The following NPSR1 variants were observed in gnomAD, a reference collection of about 807,000 sequenced individuals.
NPSR1 encodes neuropeptide S receptor.
In NPSR1, 48 loss-of-function variants were observed where a neutral mutation model predicts 46.9. The ratio of observed to expected loss-of-function variants is 1.02; its 90% confidence interval spans 0.81 to 1.30. NPSR1 has a LOEUF of 1.30. Among genes scored for constraint, NPSR1 ranks in the 50% most tolerant of loss-of-function variants. NPSR1 has a pLI of 0.00. For missense variants in NPSR1, 450 were observed against 449.5 expected, an observed-to-expected ratio of 1.00 and a Z score of -0.01; for synonymous variants, 176 against 168.1, an observed-to-expected ratio of 1.05 and a Z score of -0.36.
At chr7:34,759,877 C>A (rs1253420408) in intron 2 of NPSR1, among the ~76,000 whole-genome samples, 1 of 152,184 alleles carries the variant, frequency 6.6e-6, no homozygotes, top group Non-Finnish European at 1.5e-5. Context: ...TGCACAGGAC[C>A]ATCTATCCTA....
In NPSR1 at chr7:34,737,110, C is replaced by G. The variant is rs979239902; in HGVS notation, c.281-41352C>G. On this transcript the variant is annotated intron_variant, in intron 2 of 8. Coordinates refer to ENST00000360581, the MANE Select transcript of NPSR1 (RefSeq NM_207172.2). ...CAACAGAAGGGAATGTCCTCACTCCCTGGCCTCTCTATACCTTTGCTGCCA... is the reference window on the plus strand; with the variant it reads ...CAACAGAAGGGAATGTCCTCACTCCGTGGCCTCTCTATACCTTTGCTGCCA... Among the ~76,000 whole-genome samples the G allele has an allele frequency of 2.0e-5, 3 of 152,216 alleles. No homozygotes were observed. In the East Asian group the frequency reaches 5.8e-4, roughly 29 times the overall value.
chr7:34,664,620 A>AAG (rs60907874), intron 1 of NPSR1, among the ~76,000 whole-genome samples: 16,957 of 149,310 alleles, frequency 0.11, 1,036 homozygotes, highest in African/African-American at 0.16. Flanking sequence ...TTTTTTTAAA[A>AAG]AAAAAAAATG....
intron 2 of NPSR1, among the ~76,000 whole-genome samples, chr7:34,739,314 A>G (rs1784826046): frequency 6.6e-6 from 1 of 152,238 alleles, no homozygotes; most frequent in Non-Finnish European, 1.5e-5. Context: ...AGTAAATACA[A>G]AATTGTTTTC....
At chr7:34,712,483 A>C (rs1195789251) in intron 2 of NPSR1, among the ~76,000 whole-genome samples, 2 of 152,212 alleles carry the variant, frequency 1.3e-5, no homozygotes, top group East Asian at 3.9e-4. Context: ...GCAGTTAGTT[A>C]CAATGTTCCA....
chr7:34,754,964 AT>A (rs1785746697), intron 2 of NPSR1, among the ~76,000 whole-genome samples: 1 of 133,408 alleles, frequency 7.5e-6, no homozygotes, highest in South Asian at 2.3e-4. Flanking sequence ...TCCATATTTC[AT>A]TTTTTATGGC....
At chr7:34,787,006 A>C (rs1787495043) in intron 3 of NPSR1, among the ~76,000 whole-genome samples, 1 of 152,090 alleles carries the variant, frequency 6.6e-6, no homozygotes, top group Non-Finnish European at 1.5e-5. Flanking sequence ...TTAGCTGTTA[A>C]AAAGAATATC....
At chr7:34,687,809 T>A (rs1395853743) in intron 2 of NPSR1, among the ~76,000 whole-genome samples, 1 of 152,244 alleles carries the variant, frequency 6.6e-6, no homozygotes, top group Non-Finnish European at 1.5e-5. Flanking sequence ...TTTAAACATT[T>A]GTTAGAAGGT....
intron 2 of NPSR1, among the ~76,000 whole-genome samples, chr7:34,686,668 C>T (rs1792942812): frequency 6.6e-6 from 1 of 152,070 alleles, no homozygotes. Context: ...ACCAGTATCT[C>T]ATCTTTCTGA....
rs561915726 is a variant in NPSR1 at position 34,821,807 on chromosome 7, C to T, written c.479-5594C>T. 5.9e-5 allele frequency among the ~76,000 whole-genome samples: 9 copies of T among 152,248 alleles called. No homozygotes were observed. In the South Asian group the frequency reaches 1.7e-3, roughly 28 times the overall value. On this transcript the variant is annotated intron_variant, in intron 4 of 8. Coordinates refer to ENST00000360581, the MANE Select transcript of NPSR1 (RefSeq NM_207172.2). ...TTCTAAAGATGTAAAACAACTTATT[C>T]CCTCACTACAAAATTAAGAGAGGCT...
chr7:34,683,544 T>A (rs570139605), intron 1 of NPSR1, among the ~76,000 whole-genome samples: 1 of 152,184 alleles, frequency 6.6e-6, no homozygotes, highest in Non-Finnish European at 1.5e-5. Context: ...ATCTGTTTCA[T>A]GCTGCTATGA....
At chr7:34,871,965 C>T (rs1791464933) in intron 8 of NPSR1, among the ~76,000 whole-genome samples, 1 of 151,846 alleles carries the variant, frequency 6.6e-6, no homozygotes, top group African/African-American at 2.4e-5. Flanking sequence ...CATAGCTCCA[C>T]TAGGCAGTGT....
chr7:34,820,393 T>C (rs1203117743), intron 4 of NPSR1, among the ~76,000 whole-genome samples: 2 of 152,194 alleles, frequency 1.3e-5, no homozygotes, highest in East Asian at 3.8e-4. Context: ...GGTTGAGACC[T>C]GTACCAAGTT....
At chr7:34,771,444 C>T (rs34550664) in intron 2 of NPSR1, among the ~76,000 whole-genome samples, 1,736 of 152,128 alleles carry the variant, frequency 0.011, 28 homozygotes, top group African/African-American at 0.039. Flanking sequence ...TACCACTTCC[C>T]CACCAAAAAA....
rs180805464 is a variant in NPSR1, at chr7:34,873,958, A to G, written c.1026-4118A>G. Among the ~76,000 whole-genome samples, 192 of 151,818 alleles carry G rather than the reference A, an allele frequency of 1.3e-3. 2 individuals carry two copies. The highest frequency in any genetic ancestry group is 1.9e-3 in the Non-Finnish European group (126 of 68,024). On this transcript the variant is annotated intron_variant, in intron 8 of 8. Transcript: ENST00000359791. ...ATTGTCAGCCCCTAACTGATCATTGATAACTAAAGTTATAACAACTCATAC... is the reference window on the plus strand; with the variant it reads ...ATTGTCAGCCCCTAACTGATCATTGGTAACTAAAGTTATAACAACTCATAC...
At chr7:34,674,163 T>G (rs1401343219) in intron 1 of NPSR1, among the ~76,000 whole-genome samples, 1 of 152,164 alleles carries the variant, frequency 6.6e-6, no homozygotes, top group African/African-American at 2.4e-5. Context: ...TGGCATTGCT[T>G]CTGTAGCAGC....
chr7:34,685,316 C>T (rs1191194032), intron 2 of NPSR1, among the ~76,000 whole-genome samples: 1 of 152,088 alleles, frequency 6.6e-6, no homozygotes, highest in Non-Finnish European at 1.5e-5. Context: ...GCCCCAAAGA[C>T]ATGAGTAGAG....
intron 2 of NPSR1, among the ~76,000 whole-genome samples, chr7:34,698,246 G>T (rs146356162): frequency 5.6e-4 from 86 of 152,226 alleles, no homozygotes; most frequent in African/African-American, 2.0e-3. Context: ...TTGTAGTTAC[G>T]TGGGCGTGTT....
chr7:34,828,376 A>G (rs1468413818), intron 5 of NPSR1, among the ~76,000 whole-genome samples: 1 of 152,214 alleles, frequency 6.6e-6, no homozygotes, highest in Non-Finnish European at 1.5e-5. Context: ...AGTCATAGGA[A>G]GTCCTTTGTC....
intron 2 of NPSR1, chr7:34,750,512 G>T: frequency 1.4e-6 from 1 of 702,870 alleles, no homozygotes; most frequent in Non-Finnish European, 2.7e-6. Context: ...TTTCTTGGCT[G>T]TTGGGGCTCT....
Sources: allele counts gnomAD v4.1 joint callset (sites outside exome capture counted in the v4.1 genomes callset), GRCh38; gene constraint gnomAD v4.1.1; transcripts MANE v1.5; gene names NCBI Gene and HGNC (gene_info 2026-07-23, HGNC 2026-07-21).